The following SLC24A2 variants were observed in gnomAD, a reference collection of about 807,000 sequenced individuals.
SLC24A2 encodes the protein sodium/potassium/calcium exchanger 2.
Under a neutral mutation model 62.0 loss-of-function variants are expected in SLC24A2, and 36 were observed. The observed-to-expected ratio is 0.58, with a 90% CI of 0.44 to 0.77. The LOEUF (loss-of-function observed/expected upper bound fraction) is 0.77, where lower values mean the gene tolerates loss of function less well. Among genes scored for constraint, SLC24A2 ranks in the 30% least tolerant of loss-of-function variants. The probability of loss-of-function intolerance (pLI) is 0.00; values close to 1 mark genes in which losing one functional copy is unlikely to be tolerated. For missense variants in SLC24A2, 846 were observed against 817.9 expected (o/e 1.03, Z -0.42); for synonymous variants, 358 against 294.0 (o/e 1.22, Z -2.23).
chr9:20,055,614 G>A, the SLC24A2 span, among the ~76,000 whole-genome samples: 407 of 152,234 alleles, frequency 2.7e-3, 2 homozygotes, highest in Admixed American at 5.1e-3. Context: ...CAGGCCAGGC[G>A]CGGTGGTTCA....
At chr9:19,923,694 C>T in the SLC24A2 span, among the ~76,000 whole-genome samples, 1 of 152,202 alleles carries the variant, frequency 6.6e-6, no homozygotes, top group Non-Finnish European at 1.5e-5. Flanking sequence ...ATGTGATCTG[C>T]CAAACATCCC....
At chr9:19,947,929 GC>G in the SLC24A2 span, among the ~76,000 whole-genome samples, 9 of 152,044 alleles carry the variant, frequency 5.9e-5, no homozygotes, top group Non-Finnish European at 1.3e-4. Context: ...AAGTTTATAG[GC>G]TTTGGTGCCA....
intron 2 of SLC24A2, among the ~76,000 whole-genome samples, chr9:19,719,537 G>A (rs757880196): frequency 6.6e-6 from 1 of 151,704 alleles, no homozygotes; most frequent in Non-Finnish European, 1.5e-5. Context: ...TTGAGAGTTT[G>A]CACTTAAAAC....
the SLC24A2 span, among the ~76,000 whole-genome samples, chr9:19,881,276 G>T: frequency 6.6e-6 from 1 of 152,172 alleles, no homozygotes; most frequent in African/African-American, 2.4e-5. Context: ...CGAGACTTAA[G>T]AGTGAATAGG....
the SLC24A2 span, among the ~76,000 whole-genome samples, chr9:19,887,032 A>C: frequency 6.6e-6 from 1 of 152,136 alleles, no homozygotes; most frequent in Non-Finnish European, 1.5e-5. Flanking sequence ...GAGGAAAACA[A>C]CACACACTAG....
At chr9:20,091,177 G>T in the SLC24A2 span, among the ~76,000 whole-genome samples, 1 of 151,306 alleles carries the variant, frequency 6.6e-6, no homozygotes, top group Non-Finnish European at 1.5e-5. Flanking sequence ...AAGAAAGAAT[G>T]AACAAAACCT....
the SLC24A2 span, among the ~76,000 whole-genome samples, chr9:20,185,642 G>C: frequency 6.9e-6 from 1 of 145,496 alleles, no homozygotes. Flanking sequence ...TCCAGCCTGG[G>C]AGACAGAGCG....
At chr9:19,608,667 C>T (rs962515064) in intron 4 of SLC24A2, among the ~76,000 whole-genome samples, 15 of 152,240 alleles carry the variant, frequency 9.9e-5, no homozygotes, top group African/African-American at 3.6e-4. Context: ...AGATGACTTT[C>T]GGGTGTGTGG....
intron 9 of SLC24A2, among the ~76,000 whole-genome samples, chr9:19,523,593 G>A (rs1326774264): frequency 1.3e-5 from 2 of 152,058 alleles, no homozygotes; most frequent in African/African-American, 4.8e-5. Flanking sequence ...CTCCCAAGTA[G>A]CTGGGATTAC....
At chr9:20,181,704 C>T in the SLC24A2 span, among the ~76,000 whole-genome samples, 1 of 152,138 alleles carries the variant, frequency 6.6e-6, no homozygotes, top group Non-Finnish European at 1.5e-5. Context: ...CTCAGCAATA[C>T]CATTCAGGAC....
intron 7 of SLC24A2, among the ~76,000 whole-genome samples, chr9:19,571,522 C>G (rs1456112715): frequency 6.6e-6 from 1 of 151,990 alleles, no homozygotes; most frequent in African/African-American, 2.4e-5. Flanking sequence ...TGCTTTCAAA[C>G]TTTAGGGTAG....
At chr9:20,226,813 G>C in the SLC24A2 span, among the ~76,000 whole-genome samples, 1 of 152,160 alleles carries the variant, frequency 6.6e-6, no homozygotes, top group Non-Finnish European at 1.5e-5. Context: ...TATCAATCAT[G>C]AGTGTGTATT....
chr9:20,155,623 A>G, the SLC24A2 span, among the ~76,000 whole-genome samples: 1 of 151,874 alleles, frequency 6.6e-6, no homozygotes, highest in Non-Finnish European at 1.5e-5. Context: ...CATACAATAA[A>G]TGATAACTAT....
chr9:19,950,717 G>C, the SLC24A2 span, among the ~76,000 whole-genome samples: 1 of 152,338 alleles, frequency 6.6e-6, no homozygotes, highest in South Asian at 2.1e-4. Context: ...TACTGCAAGT[G>C]TGGGAAGTGG....
intron 2 of SLC24A2, among the ~76,000 whole-genome samples, chr9:19,760,464 C>T (rs1198685736): frequency 1.3e-5 from 2 of 151,996 alleles, no homozygotes; most frequent in African/African-American, 4.8e-5. Context: ...GTTTGCTGCA[C>T]CCATCAACCT....
chr9:19,597,469 A>G (rs1836732258), intron 4 of SLC24A2, among the ~76,000 whole-genome samples, 190 bp from the exon 5 acceptor site: 1 of 152,230 alleles, frequency 6.6e-6, no homozygotes, highest in Non-Finnish European at 1.5e-5. Context: ...AAATCACTTT[A>G]AATATATTAT....
chr9:19,542,006 A>G (rs2132710698), intron 8 of SLC24A2, among the ~76,000 whole-genome samples: 1 of 152,308 alleles, frequency 6.6e-6, no homozygotes, highest in Non-Finnish European at 1.5e-5. Flanking sequence ...TGACTCGGAA[A>G]GGGAACTCCC....
At chr9:19,883,877 T>C in the SLC24A2 span, among the ~76,000 whole-genome samples, 1 of 152,228 alleles carries the variant, frequency 6.6e-6, no homozygotes, top group African/African-American at 2.4e-5. Context: ...TCTATCACTG[T>C]TCTAATATGT....
At chr9:20,139,460 G>A in the SLC24A2 span, among the ~76,000 whole-genome samples, 1 of 152,178 alleles carries the variant, frequency 6.6e-6, no homozygotes, top group African/African-American at 2.4e-5. Flanking sequence ...AAAAATGGCA[G>A]CTTTACCGGG....
Sources: allele counts gnomAD v4.1 joint callset (sites outside exome capture counted in the v4.1 genomes callset), GRCh38; gene constraint gnomAD v4.1.1; transcripts MANE v1.5; gene names NCBI Gene and HGNC (gene_info 2026-07-23, HGNC 2026-07-21).